PTPRN2: variants seen among roughly 807,000 people sequenced by gnomAD.
PTPRN2 encodes protein tyrosine phosphatase receptor type N2, also known as receptor-type tyrosine-protein phosphatase N2.
PTPRN2 carries 74 observed loss-of-function variants against 118.8 expected under a neutral mutation model. The ratio of observed to expected loss-of-function variants is 0.62; its 90% CI spans 0.52 to 0.76. The LOEUF (loss-of-function observed/expected upper bound fraction) is 0.76, where lower values mean the gene tolerates loss of function less well. PTPRN2 is among the 30% of genes least tolerant of loss of function. The pLI is 0.00. For synonymous variants in PTPRN2, 641 were observed against 608.0 expected, an observed-to-expected ratio of 1.05 and a Z score of -0.80; for missense variants, 1,481 against 1,394.4, an observed-to-expected ratio of 1.06 and a Z score of -0.99.
In PTPRN2 at chr7:157,560,504, C is replaced by T. The variant is rs1220600783; in HGVS notation, c.2902+8398G>A. 2.0e-5 allele frequency among the ~76,000 whole-genome samples: 3 copies of T among 152,180 alleles called. No individual in the cohort carries two copies. The highest frequency in any genetic ancestry group is 1.3e-4 in the Admixed American group (2 of 15,284). The stretch of plus-strand genomic sequence containing the variant: ...GCTCCAACCAGCGTTCGTCGTCAGC[C>T]CCTTACACGGGACAGGGCACTGCAG... On this transcript the variant is annotated intron_variant, in intron 21 of 22. Coordinates refer to ENST00000389418, the MANE Select transcript of PTPRN2 (RefSeq NM_002847.5). This position sits in a 1 kb window ranked among gnomAD's most constrained non-coding sequence, Gnocchi z 6.7.
At chr7:157,580,345 A>G (rs1215182377) in intron 17 of PTPRN2, among the ~76,000 whole-genome samples, 1 of 152,140 alleles carries the variant, frequency 6.6e-6, no homozygotes, top group East Asian at 1.9e-4. Context: ...GTATGCCTGA[A>G]TTCCAGAAAT....
At chr7:158,182,161 C>T (rs1488241669) in intron 5 of PTPRN2, among the ~76,000 whole-genome samples, 1 of 152,148 alleles carries the variant, frequency 6.6e-6, no homozygotes, top group African/African-American at 2.4e-5. Context: ...CTTGATTTTA[C>T]TGTTAACCCA....
chr7:158,443,657 C>T (rs985233886), intron 2 of PTPRN2, among the ~76,000 whole-genome samples: 2 of 152,156 alleles, frequency 1.3e-5, no homozygotes, highest in African/African-American at 2.4e-5. Flanking sequence ...GCCAAGCGTG[C>T]GAGCTGCTTG....
intron 5 of PTPRN2, among the ~76,000 whole-genome samples, chr7:158,169,071 T>C (rs1259888324): frequency 1.3e-5 from 2 of 152,102 alleles, no homozygotes; most frequent in East Asian, 3.9e-4. Context: ...TCAGTGGAGG[T>C]GGACACCTCG....
In PTPRN2 at chr7:157,763,394, G is replaced by A. The variant is rs1647013856; in HGVS notation, c.1789-80457C>T. Among the ~76,000 whole-genome samples, 1 of 152,178 alleles carries A rather than the reference G, an allele frequency of 6.6e-6. No individual in the cohort carries two copies. Among genetic ancestry groups the A allele is most frequent in the African/African-American group, 2.4e-5 (1 of 41,448 alleles). On this transcript the variant is annotated intron_variant, in intron 12 of 22. Coordinates refer to ENST00000389418, the MANE Select transcript of PTPRN2 (RefSeq NM_002847.5). The surrounding 1 kb of genome is among the most constrained non-coding windows in gnomAD (Gnocchi z 4.9). ...CAAGACAGCCTGCCCCAGTCACTGT[G>A]GCCATGGGGCGGCCTTCGCTCTGAG...
Position 157,721,600 on chromosome 7 carries a change from G to A in PTPRN2, c.1789-38663C>T, listed in dbSNP as rs1428174731. ...CCGATGCCCAGTGTCAGCGTCCACT[G>A]AGTCGCAGCTCCCCTCTACACTGGG... On this transcript the variant is annotated intron_variant, in intron 12 of 22. Transcript: ENST00000389418. Among the ~76,000 whole-genome samples the A allele has an allele frequency of 3.3e-5, 5 of 152,218 alleles. 1 individual carries two copies. Among genetic ancestry groups the A allele is most frequent in the African/African-American group, 7.2e-5 (3 of 41,462 alleles).
chr7:158,385,196 T>C (rs905936632), intron 2 of PTPRN2, among the ~76,000 whole-genome samples: 2 of 152,174 alleles, frequency 1.3e-5, no homozygotes, highest in Admixed American at 1.3e-4. Flanking sequence ...AAACCAATCA[T>C]ACCACACTAT....
intron 9 of PTPRN2, among the ~76,000 whole-genome samples, chr7:158,126,546 C>T (rs1220204128): frequency 1.2e-5 from 1 of 83,336 alleles, no homozygotes. Flanking sequence ...GGAGAGCGGG[C>T]GGCGGAACTT....
At position 158,309,545 on chromosome 7, in the gene PTPRN2, C is replaced by A. The variant is rs1022998890; in HGVS notation, c.277+7274G>T. On this transcript the variant is annotated intron_variant, in intron 3 of 22. Coordinates refer to ENST00000389418, the MANE Select transcript of PTPRN2 (RefSeq NM_002847.5). ...CTATTAGTTCTGTCCTTCTAGAGAACCCTGACTAATGCATTTGACAAGTTA... is the reference window on the plus strand; with the variant it reads ...CTATTAGTTCTGTCCTTCTAGAGAAACCTGACTAATGCATTTGACAAGTTA... 4.6e-5 allele frequency among the ~76,000 whole-genome samples: 7 copies of A among 152,224 alleles called. 1 individual carries two copies. In the South Asian group the frequency reaches 1.5e-3, roughly 32 times the overall value.
chr7:158,399,614 C>G, intron 2 of PTPRN2, among the ~76,000 whole-genome samples: 1 of 151,970 alleles, frequency 6.6e-6, no homozygotes, highest in Non-Finnish European at 1.5e-5. Flanking sequence ...TATGATCAAG[C>G]CACTGCACTG....
chr7:158,188,038 C>A (rs1047944979), intron 5 of PTPRN2, among the ~76,000 whole-genome samples: 1 of 152,060 alleles, frequency 6.6e-6, no homozygotes, highest in Non-Finnish European at 1.5e-5. Flanking sequence ...CTCCATGCAC[C>A]CAGCAGCCCT....
intron 4 of PTPRN2, among the ~76,000 whole-genome samples, chr7:158,196,130 G>A (rs887509180): frequency 1.3e-5 from 2 of 152,236 alleles, no homozygotes; most frequent in Non-Finnish European, 2.9e-5. Flanking sequence ...CACCCTGTGT[G>A]AATGTCAGAT....
rs1450405810 is a variant in PTPRN2 at position 158,046,923 on chromosome 7, C to T, written c.1723+34375G>A. On this transcript the variant is annotated intron_variant, in intron 11 of 22. Transcript: ENST00000389418. ...CACCAAAAAGTCCATCTAAATCCAT[C>T]CATGCTTATTTTTAATTTAACCTTA... is the stretch of plus-strand genomic sequence containing the variant. Among the ~76,000 whole-genome samples, 4 of 152,204 alleles carry T rather than the reference C, an allele frequency of 2.6e-5. No homozygotes were observed. In the South Asian group the frequency reaches 8.3e-4, roughly 32 times the overall value.
chr7:157,700,897 G>C (rs1798034059), intron 12 of PTPRN2, among the ~76,000 whole-genome samples: 1 of 152,142 alleles, frequency 6.6e-6, no homozygotes, highest in South Asian at 2.1e-4. Context: ...CCTTTCATTT[G>C]TTTGAGGTCG....
At chr7:158,149,066 G>A (rs367949370) in intron 6 of PTPRN2, among the ~76,000 whole-genome samples, 52 of 68,372 alleles carry the variant, frequency 7.6e-4, no homozygotes, top group Middle Eastern at 0.016. Flanking sequence ...CTCATGCCAC[G>A]TGTCATTCCC....
intron 11 of PTPRN2, among the ~76,000 whole-genome samples, chr7:158,067,366 C>A (rs1182836266): frequency 6.6e-6 from 1 of 152,148 alleles, no homozygotes; most frequent in Admixed American, 6.5e-5. Context: ...TGGCAGGGGG[C>A]AGGGGTTTGT....
intron 3 of PTPRN2, among the ~76,000 whole-genome samples, chr7:158,262,732 A>G (rs1400989533): frequency 1.3e-5 from 2 of 149,246 alleles, no homozygotes; most frequent in African/African-American, 5.0e-5. Flanking sequence ...GCACACATAC[A>G]TTCACACACT....
At chr7:158,340,834 C>G (rs557887441) in intron 2 of PTPRN2, among the ~76,000 whole-genome samples, 2 of 91,504 alleles carry the variant, frequency 2.2e-5, no homozygotes, top group Middle Eastern at 5.5e-3. Context: ...CACCCACACT[C>G]TCACCATAAG....
intron 11 of PTPRN2, chr7:158,028,212 C>T (rs1290310045): frequency 1.3e-5 from 2 of 152,244 alleles, no homozygotes; most frequent in Non-Finnish European, 2.9e-5. Context: ...TGGCTGAAAA[C>T]CCCACCAGAA....
Sources: allele counts gnomAD v4.1 joint callset (sites outside exome capture counted in the v4.1 genomes callset), GRCh38; gene constraint gnomAD v4.1.1; non-coding constraint Gnocchi (gnomAD v3.1); transcripts MANE v1.5; gene names NCBI Gene and HGNC (gene_info 2026-07-23, HGNC 2026-07-21).